Variants in KIAA1217 observed in about 807,000 individuals in gnomAD.
KIAA1217 encodes KIAA1217, also known as sickle tail protein homolog.
A neutral mutation model predicts 163.9 loss-of-function variants in KIAA1217; 88 were observed. That is an observed-to-expected ratio of 0.54 (90% CI 0.45 to 0.64). The LOEUF is 0.64. Ranked by LOEUF, KIAA1217 falls within the 30% of genes least tolerant of loss-of-function variation. KIAA1217 has a pLI of 0.00. For missense variants in KIAA1217, 2,372 were observed against 2,475.0 expected, an observed-to-expected ratio of 0.96 and a Z score of 0.88; for synonymous variants, 903 against 923.1, an observed-to-expected ratio of 0.98 and a Z score of 0.39.
chr10:24,277,527 T>C (rs558944596), intron 2 of KIAA1217, among the ~76,000 whole-genome samples: 1 of 152,292 alleles, frequency 6.6e-6, no homozygotes, highest in South Asian at 2.1e-4. Flanking sequence ...CCCCACATGT[T>C]GTGGGAGGAA....
chr10:23,854,758 C>T (rs2131109836), intron 1 of KIAA1217, among the ~76,000 whole-genome samples: 1 of 152,280 alleles, frequency 6.6e-6, no homozygotes, highest in East Asian at 1.9e-4. Flanking sequence ...GGTCCCTTTA[C>T]CATTATGTAA....
intron 2 of KIAA1217, among the ~76,000 whole-genome samples, chr10:24,128,073 C>T (rs1316689805): frequency 6.6e-6 from 1 of 152,168 alleles, no homozygotes; most frequent in Non-Finnish European, 1.5e-5. Context: ...TTTTAAAATC[C>T]ATCCTTTGCT....
chr10:24,122,801 C>G (rs1444870464), intron 2 of KIAA1217, among the ~76,000 whole-genome samples: 1 of 151,930 alleles, frequency 6.6e-6, no homozygotes, highest in Non-Finnish European at 1.5e-5. Context: ...TTTAAAAGTA[C>G]TATTTATTTA....
rs144769852 is a variant in KIAA1217 at position 24,485,288 on chromosome 10, T to A, written c.1680-9212T>A. Among the ~76,000 whole-genome samples, 256 of 152,222 alleles carry A rather than the reference T, an allele frequency of 1.7e-3. 1 individual carries two copies. Among genetic ancestry groups the A allele is most frequent in the African/African-American group, 5.7e-3 (238 of 41,528 alleles). On this transcript the variant is annotated intron_variant, in intron 6 of 20. Transcript: ENST00000376454. ...GGGGTAGGGGCCTTCTGAGACTGTT[T>A]CCTCTACAGAGTAAGGGTTCGTTCA...
At chr10:24,537,534 G>A (rs982970141) in intron 17 of KIAA1217, among the ~76,000 whole-genome samples, 13 of 150,596 alleles carry the variant, frequency 8.6e-5, no homozygotes, top group East Asian at 2.0e-4. Context: ...CCGAGATTGC[G>A]CCACTGCACT....
intron 2 of KIAA1217, among the ~76,000 whole-genome samples, chr10:24,114,259 G>A (rs1026732399): frequency 6.6e-6 from 1 of 152,132 alleles, no homozygotes; most frequent in Non-Finnish European, 1.5e-5. Context: ...ACTGATGGAT[G>A]CAGCACACCA....
At chr10:24,184,981 A>G (rs753967342) in intron 2 of KIAA1217, among the ~76,000 whole-genome samples, 5 of 152,220 alleles carry the variant, frequency 3.3e-5, no homozygotes, top group Admixed American at 6.5e-5. Context: ...TTTATAAAAT[A>G]TATGTTTCTG....
intron 1 of KIAA1217, among the ~76,000 whole-genome samples, chr10:23,820,160 A>T (rs1837553634): frequency 6.6e-6 from 1 of 152,204 alleles, no homozygotes; most frequent in Non-Finnish European, 1.5e-5. Context: ...ATTGTGTAGA[A>T]AATGAGGCAA....
intron 2 of KIAA1217, among the ~76,000 whole-genome samples, chr10:24,162,974 G>A (rs895179194): frequency 9.2e-5 from 14 of 152,146 alleles, no homozygotes; most frequent in African/African-American, 3.4e-4. Flanking sequence ...CAATATGGCA[G>A]CCACAGTCTT....
chr10:24,349,148 A>G (rs989721862), intron 2 of KIAA1217, among the ~76,000 whole-genome samples: 8 of 151,930 alleles, frequency 5.3e-5, no homozygotes, highest in African/African-American at 1.9e-4. Flanking sequence ...AAAAAAAAAA[A>G]AAAAAGAGAG....
rs7073568 is a variant in KIAA1217, at chr10:24,493,435, T to G, written c.1680-1065T>G. On this transcript the variant is annotated intron_variant, in intron 6 of 20. Coordinates refer to ENST00000376454, the MANE Select transcript of KIAA1217 (RefSeq NM_019590.5). Reference sequence around the variant, plus strand: ...ACAAATATGCATAACTGAATTCACATGAGGTGACATGTGAAGCCTCTATTC... The same window carrying G: ...ACAAATATGCATAACTGAATTCACAGGAGGTGACATGTGAAGCCTCTATTC... 3.7e-3 allele frequency among the ~76,000 whole-genome samples: 570 copies of G among 152,170 alleles called. 4 individuals carry two copies. Among genetic ancestry groups the G allele is most frequent in the Non-Finnish European group, 6.5e-3 (444 of 67,966 alleles).
rs113126110 is a variant in KIAA1217, at chr10:23,848,850, G to A, written c.-321+153616G>A. ...CCTTTGTTGTTACAAGAAATAAAAT[G>A]TTGACATTGTGACTGCAGCACTATT... On this transcript the variant is annotated intron_variant, in intron 1 of 18. Transcript: ENST00000376462. 4.8e-3 allele frequency among the ~76,000 whole-genome samples: 733 copies of A among 152,158 alleles called. 9 individuals carry two copies. The highest frequency in any genetic ancestry group is 0.016 in the African/African-American group (661 of 41,530).
At chr10:24,544,776 A>G (rs1888656) in intron 19 of KIAA1217, among the ~76,000 whole-genome samples, 11,459 of 152,170 alleles carry the variant, frequency 0.075, 648 homozygotes, top group East Asian at 0.27. Flanking sequence ...TCTGATACTC[A>G]CATTAAAATC....
chr10:24,385,504 G>C (rs990744316), intron 3 of KIAA1217, among the ~76,000 whole-genome samples: 5 of 152,174 alleles, frequency 3.3e-5, no homozygotes, highest in Admixed American at 1.3e-4. Flanking sequence ...TTCAGACAGA[G>C]CCAAGTGACA....
chr10:24,383,067 G>A (rs2053537255), intron 3 of KIAA1217, among the ~76,000 whole-genome samples: 1 of 151,766 alleles, frequency 6.6e-6, no homozygotes, highest in Admixed American at 6.6e-5. Flanking sequence ...GGCTGGTCTG[G>A]AATTCCTGGA....
chr10:24,365,254 C>T (rs888117753), intron 2 of KIAA1217, among the ~76,000 whole-genome samples: 2 of 152,106 alleles, frequency 1.3e-5, no homozygotes, highest in African/African-American at 2.4e-5. Context: ...GTCTCTTTGT[C>T]CCTCCTGGCA....
chr10:24,175,686 T>C (rs1429824898), intron 2 of KIAA1217, among the ~76,000 whole-genome samples: 2 of 152,178 alleles, frequency 1.3e-5, no homozygotes, highest in East Asian at 3.9e-4. Context: ...TTGCTCCTTC[T>C]GATATTCAGA....
Position 24,473,682 on chromosome 10 carries a change from C to T in KIAA1217, c.1301C>T (p.Ala434Val), listed in dbSNP as rs369727525. Residue 434 changes from alanine to valine, a missense_variant, in exon 6 of 21, where the codon GCT becomes GTT. Ala to Val is a moderately conservative substitution (Grantham distance 64). This residue lies in a region of KIAA1217 where 1,431 missense variants were observed against 1,470.3 expected (regional missense o/e 0.97). Coordinates refer to ENST00000376454, the MANE Select transcript of KIAA1217 (RefSeq NM_019590.5). ...YHRTAIRSASAYCNPSMQAEM... is the reference protein window; with the variant it reads ...YHRTAIRSASVYCNPSMQAEM... The stretch of plus-strand genomic sequence containing the variant: ...CGCACCGCCATCCGGTCAGCGAGTG[C>T]TTATTGTAACCCCTCAATGCAAGCG... 3.1e-6 allele frequency: 5 copies of T among 1,614,126 alleles called. No homozygotes were observed. In the African/African-American group the frequency reaches 6.7e-5, roughly 22 times the overall value.
chr10:24,513,252 T>G lies in KIAA1217; in HGVS notation c.2002-7T>G, dbSNP rs1336570397. On this transcript the variant is annotated splice_region_variant and splice_polypyrimidine_tract_variant and intron_variant, in intron 9 of 20. Transcript: ENST00000376454. The stretch of plus-strand genomic sequence containing the variant: ...GCCCACTGAGGTTGATTTTTTTGTG[T>G]TCACAGCTGCAGAACCAGGAGTTGC... 6.2e-7 allele frequency: 1 copy of G among 1,613,266 alleles called. No homozygotes were observed. The highest frequency in any genetic ancestry group is 8.5e-7 in the Non-Finnish European group (1 of 1,179,724).
Sources: gnomAD v4.1 joint callset for allele counts (sites outside exome capture counted in the v4.1 genomes callset) on GRCh38, gnomAD v4.1.1 for gene constraint, gnomAD v4.1.1 regional missense constraint, MANE v1.5 for transcripts, NCBI Gene and HGNC (gene_info 2026-07-23, HGNC 2026-07-21) for gene names.